Variants in HDLBP observed in about 807,000 individuals in gnomAD.
The protein encoded by HDLBP is high density lipoprotein binding protein.
A neutral mutation model predicts 137.3 loss-of-function variants in HDLBP; 30 were observed. That is an observed-to-expected ratio of 0.22 (90% confidence interval 0.16 to 0.30). HDLBP has a LOEUF of 0.30. Ranked by LOEUF, HDLBP falls within the 10% of genes least tolerant of loss-of-function variation. HDLBP has a pLI of 1.00. For synonymous variants in HDLBP, 606 were observed against 596.0 expected, an observed-to-expected ratio of 1.02 and a Z score of -0.24; for missense variants, 1,119 against 1,667.3, an observed-to-expected ratio of 0.67 and a Z score of 5.73.
intron 27 of HDLBP, 55 bp from the exon 28 acceptor site, chr2:241,229,742 G>A (rs1167027291): frequency 6.2e-7 from 1 of 1,610,162 alleles, no homozygotes; most frequent in Non-Finnish European, 8.5e-7. Flanking sequence ...CTCGCAAGCA[G>A]CTTCCGACGC....
intron 1 of HDLBP, among the ~76,000 whole-genome samples, chr2:241,299,583 G>A (rs1166307232): frequency 3.3e-5 from 5 of 150,842 alleles, no homozygotes; most frequent in Non-Finnish European, 7.4e-5. Context: ...ATAGGAGAGG[G>A]ATGGCAGATA....
At chr2:241,254,493 T>G (rs1308560361) in intron 9 of HDLBP, among the ~76,000 whole-genome samples, 2 of 151,660 alleles carry the variant, frequency 1.3e-5, no homozygotes, top group Middle Eastern at 3.2e-3. Flanking sequence ...AGTATTTTTT[T>G]TTTTTTTTTG....
chr2:241,275,135 A>AC (rs1425406583), intron 1 of HDLBP, among the ~76,000 whole-genome samples: 1 of 152,032 alleles, frequency 6.6e-6, no homozygotes, highest in Non-Finnish European at 1.5e-5. Flanking sequence ...TTGTCCAGGA[A>AC]CCCCTAGCCC....
chr2:241,280,512 G>A (rs1025075169), intron 1 of HDLBP, among the ~76,000 whole-genome samples: 1 of 152,186 alleles, frequency 6.6e-6, no homozygotes, highest in African/African-American at 2.4e-5. Context: ...TTTTCAGGAA[G>A]TAACAGAAAA....
intron 12 of HDLBP, 34 bp downstream of exon 12, chr2:241,249,805 CAG>C: frequency 6.4e-7 from 1 of 1,569,244 alleles, no homozygotes; most frequent in Non-Finnish European, 8.6e-7. Flanking sequence ...GACGCAAGGC[CAG>C]TGCCTTTCTA....
chr2:241,282,392 G>C (rs2074641599), intron 1 of HDLBP, among the ~76,000 whole-genome samples: 1 of 152,154 alleles, frequency 6.6e-6, no homozygotes, highest in African/African-American at 2.4e-5. Flanking sequence ...AATTGGTGTG[G>C]TCTCTTTGGA....
At position 241,272,915 on chromosome 2, in the gene HDLBP, G is replaced by A; in HGVS notation, c.-102-4374C>T. On this transcript the variant is annotated intron_variant, in intron 1 of 27. Coordinates refer to ENST00000310931, the MANE Select transcript of HDLBP (RefSeq NM_005336.6). The surrounding 1 kb of genome is among the most constrained non-coding windows in gnomAD (Gnocchi z 5.6). ...CACGTCAGCGCCCGCCCGCCCCGCC[G>A]CTGGGGTCCCCGCCGCCCCGGGCCG... The A allele has an allele frequency of 5.8e-6, 4 of 684,472 alleles. No individual in the cohort carries two copies. Among genetic ancestry groups the A allele is most frequent in the South Asian group, 1.3e-4 (2 of 15,706 alleles). The allele number at this position is 684,472 out of a possible 1,614,324, so 42.4% of individuals were successfully genotyped here. A position where few individuals can be genotyped will look rare whatever the true frequency, so the allele number is the denominator to read the frequency against.
At chr2:241,287,236 G>C (rs111380021) in intron 1 of HDLBP, among the ~76,000 whole-genome samples, 1 of 147,432 alleles carries the variant, frequency 6.8e-6, no homozygotes, top group African/African-American at 2.5e-5. Context: ...TCAGCCTCCC[G>C]AGTAGCTGGG....
In HDLBP at chr2:241,235,514, G is replaced by C; in HGVS notation, c.2985C>G (p.Ile995Met). The C allele has an allele frequency of 6.2e-7, 1 of 1,614,016 alleles. No homozygotes were observed. The highest frequency in any genetic ancestry group is 8.5e-7 in the Non-Finnish European group (1 of 1,179,880). ...RYVIGQKGSG[I>M]RKMMDEFEVN... ...CCTCAAACTCATCCATCATCTTGCGGATCCCACTTCCTTTCTGCCCAATAA... is the reference window on the plus strand; with the variant it reads ...CCTCAAACTCATCCATCATCTTGCGCATCCCACTTCCTTTCTGCCCAATAA... Residue 995 changes from isoleucine (I) to methionine (M), a missense_variant, in exon 22 of 28, where the codon ATC becomes ATG. Ile to Met is a conservative substitution (Grantham distance 10, BLOSUM62 1). Transcript: ENST00000310931.
At position 241,239,301 on chromosome 2, in the gene HDLBP, C is replaced by G. The variant is rs1050847537; in HGVS notation, c.2610+301G>C. ...TTTTCATTTTTCCTGATCCCTTATA[C>G]AGAATGCATTTTCTTTCTTTCTCTT... On this transcript the variant is annotated intron_variant, in intron 19 of 27. Coordinates refer to ENST00000310931, the MANE Select transcript of HDLBP (RefSeq NM_005336.6). The surrounding 1 kb of genome is among the most constrained non-coding windows in gnomAD (Gnocchi z 4.6). 3.3e-5 allele frequency among the ~76,000 whole-genome samples: 5 copies of G among 152,160 alleles called. No homozygotes were observed. Among genetic ancestry groups the G allele is most frequent in the Admixed American group, 1.3e-4 (2 of 15,282 alleles).
chr2:241,290,518 G>GA (rs930253751), intron 1 of HDLBP, among the ~76,000 whole-genome samples: 8 of 152,044 alleles, frequency 5.3e-5, no homozygotes, highest in African/African-American at 1.9e-4. Context: ...GCTGAGGCAG[G>GA]AGAAATGCTT....
chr2:241,230,039 C>A lies in HDLBP; in HGVS notation c.3592-78G>T. ...CCCGCCCGCCTGCTCACCCCTGCAC[C>A]TCGCCTGCCTCTGGAAACACAAGTG... On this transcript the variant is annotated intron_variant, in intron 26 of 27. Transcript: ENST00000310931. This position sits in a 1 kb window ranked among gnomAD's most constrained non-coding sequence, Gnocchi z 5.0. The A allele has an allele frequency of 6.3e-7, 1 of 1,578,282 alleles. No homozygotes were observed. Among genetic ancestry groups the A allele is most frequent in the South Asian group, 1.2e-5 (1 of 86,546 alleles).
At position 241,229,961 on chromosome 2, in the gene HDLBP, G is replaced by C; in HGVS notation, c.3592C>G (p.Leu1198Val). 6.3e-7 allele frequency: 1 copy of C among 1,594,688 alleles called. No homozygotes were observed. Among genetic ancestry groups the C allele is most frequent in the Non-Finnish European group, 8.6e-7 (1 of 1,169,494 alleles). ...GCCTCACTGTCCACCACGTCAGCTA[G>C]CTGCAGGCAGAAGACAGGAAGACAG... Reference protein sequence around the residue: ...DHILNLEEEYLADVVDSEALQ... With the variant: ...DHILNLEEEYVADVVDSEALQ... The change falls in exon 27 of 28, where the codon CTA (leucine) becomes GTA (valine). Residue 1198 changes from leucine (L) to valine (V), a missense_variant and splice_region_variant. Leu to Val is a conservative substitution (Grantham distance 32). Around this residue, in one of 4 missense-constraint regions of HDLBP, gnomAD observed 618 missense variants for 816.7 expected, o/e 0.76. Transcript: ENST00000310931.
chr2:241,261,194 C>CAAAAA (rs5839776), intron 5 of HDLBP, among the ~76,000 whole-genome samples: 36 of 106,604 alleles, frequency 3.4e-4, no homozygotes, highest in East Asian at 2.2e-3. Context: ...GATCCTGTCT[C>CAAAAA]AAAAAAAAAA....
intron 22 of HDLBP, 32 bp from the exon 23 acceptor site, chr2:241,235,287 G>C (rs762126865): frequency 6.8e-6 from 11 of 1,613,962 alleles, no homozygotes; most frequent in Non-Finnish European, 9.3e-6. Context: ...TTGACGTTCA[G>C]GACCCCAGAG....
intron 1 of HDLBP, among the ~76,000 whole-genome samples, chr2:241,303,254 G>A (rs1220115084): frequency 6.6e-6 from 1 of 152,174 alleles, no homozygotes; most frequent in Non-Finnish European, 1.5e-5. Flanking sequence ...GCGTCCTGCT[G>A]GTGCAGGGTG....
In HDLBP at chr2:241,247,182, TAG is replaced by T. The variant is rs769792339; in HGVS notation, c.1732-42_1732-41del. The T allele has an allele frequency of 2.6e-5, 34 of 1,310,364 alleles. No homozygotes were observed. In the African/African-American group the frequency reaches 4.5e-4, roughly 17 times the overall value. The allele number at this position is 1,310,364 out of a possible 1,614,324, so 81.2% of individuals were successfully genotyped here. On this transcript the variant is annotated intron_variant, in intron 14 of 27. Transcript: ENST00000310931. ...ACACAGCCCGATTCACCACCTGTGCTAGAGAGTAAAATACAGTATCCCTTCTA... is the reference window on the plus strand; with the variant it reads ...ACACAGCCCGATTCACCACCTGTGCTAGAGTAAAATACAGTATCCCTTCTA...
At chr2:241,282,753 C>T (rs547528884) in intron 1 of HDLBP, among the ~76,000 whole-genome samples, 1 of 152,170 alleles carries the variant, frequency 6.6e-6, no homozygotes, top group Non-Finnish European at 1.5e-5. Context: ...AGGCAGAGAA[C>T]TTAATCAATC....
rs371314976 is a variant in HDLBP at position 241,255,359 on chromosome 2, C to A, written c.1080+15G>T. 34 of 1,610,662 alleles carry A rather than the reference C, an allele frequency of 2.1e-5. No homozygotes were observed. The highest frequency in any genetic ancestry group is 2.9e-5 in the Non-Finnish European group (34 of 1,177,046). On this transcript the variant is annotated intron_variant, in intron 8 of 27. Transcript: ENST00000310931. Reference sequence around the variant, plus strand: ...CCACTCAAAGGAGACACACTTCATGCTCGGAGGCAGTTACCTTGGCATAGA... The same window carrying A: ...CCACTCAAAGGAGACACACTTCATGATCGGAGGCAGTTACCTTGGCATAGA...
Sources: allele counts gnomAD v4.1 joint callset (sites outside exome capture counted in the v4.1 genomes callset), GRCh38; gene constraint gnomAD v4.1.1; regional missense constraint gnomAD v4.1.1; non-coding constraint Gnocchi (gnomAD v3.1); transcripts MANE v1.5; gene names NCBI Gene and HGNC (gene_info 2026-07-23, HGNC 2026-07-21).